Variants in SNX24 observed in about 807,000 individuals in gnomAD.
The protein encoded by SNX24 is sorting nexin 24.
In SNX24, 22 loss-of-function variants were observed where a neutral mutation model predicts 28.7. The ratio of observed to expected loss-of-function variants is 0.77; its 90% confidence interval spans 0.55 to 1.10. The LOEUF is 1.10. SNX24 is among the 50% of genes least tolerant of loss of function. SNX24 has a pLI of 0.00. For missense variants in SNX24, 221 were observed against 201.1 expected (o/e 1.10, Z -0.60); for synonymous variants, 69 against 71.5 (o/e 0.96, Z 0.18).
chr5:122,982,499 G>C (rs1188916351), intron 3 of SNX24, among the ~76,000 whole-genome samples: 2 of 152,188 alleles, frequency 1.3e-5, no homozygotes, highest in Non-Finnish European at 2.9e-5. Context: ...AAATTTTGTA[G>C]TTATCAGAAT....
chr5:123,002,029 C>T, intron 6 of SNX24, 25 bp downstream of exon 6: 1 of 1,578,968 alleles, frequency 6.3e-7, no homozygotes, highest in Non-Finnish European at 8.7e-7. Flanking sequence ...CATCTGCTAA[C>T]AGCTCTTTAC....
At chr5:122,932,052 G>A (rs1317443195) in intron 1 of SNX24, among the ~76,000 whole-genome samples, 1 of 151,952 alleles carries the variant, frequency 6.6e-6, no homozygotes, top group African/African-American at 2.4e-5. Context: ...TACCACAAAA[G>A]AAAAAAAGTT....
At chr5:122,968,199 G>A (rs1760797418) in intron 3 of SNX24, among the ~76,000 whole-genome samples, 1 of 152,096 alleles carries the variant, frequency 6.6e-6, no homozygotes, top group Non-Finnish European at 1.5e-5. Context: ...ACAAAAGTTA[G>A]CCGGGCGTGG....
At chr5:122,939,623 T>C (rs1759349863) in intron 2 of SNX24, among the ~76,000 whole-genome samples, 1 of 152,248 alleles carries the variant, frequency 6.6e-6, no homozygotes, top group African/African-American at 2.4e-5. Flanking sequence ...TCTTGAGCTA[T>C]GATGAGTATT....
At chr5:123,022,633 A>G (rs976132625) in intron 5 of SNX24, 11 of 152,454 alleles carry the variant, frequency 7.2e-5, no homozygotes, top group African/African-American at 2.4e-4. Flanking sequence ...TGGTGGTACC[A>G]TGCTCCCCAG....
At chr5:122,899,168 T>C (rs1490407785) in intron 1 of SNX24, among the ~76,000 whole-genome samples, 1 of 152,190 alleles carries the variant, frequency 6.6e-6, no homozygotes, top group Non-Finnish European at 1.5e-5. Context: ...TTCACTCCTA[T>C]AGTCTTCAAC....
At chr5:123,014,335 T>C in intron 5 of SNX24, among the ~76,000 whole-genome samples, 1 of 37,728 alleles carries the variant, frequency 2.7e-5, no homozygotes. Context: ...CCCAGCTGAT[T>C]TTTTTTTTTT....
Position 122,858,134 on chromosome 5 carries a change from C to T in SNX24, c.60+12441C>T, listed in dbSNP as rs1275124685. ...TGTCTTTGCTATTGTGGATAGCCAGCACCATTTATTGAGTTTGCCATCTTT... is the reference window on the plus strand; with the variant it reads ...TGTCTTTGCTATTGTGGATAGCCAGTACCATTTATTGAGTTTGCCATCTTT... On this transcript the variant is annotated intron_variant, in intron 1 of 6. Coordinates refer to ENST00000261369, the MANE Select transcript of SNX24 (RefSeq NM_014035.4). Among the ~76,000 whole-genome samples, 4 of 152,278 alleles carry T rather than the reference C, an allele frequency of 2.6e-5. No individual in the cohort carries two copies. The South Asian group carries it at 8.3e-4, about 32-fold the overall frequency.
At chr5:122,860,497 T>C (rs935232406) in intron 1 of SNX24, among the ~76,000 whole-genome samples, 1 of 152,222 alleles carries the variant, frequency 6.6e-6, no homozygotes, top group African/African-American at 2.4e-5. Flanking sequence ...TATCTTTTAT[T>C]CCATTTGTAG....
At chr5:122,934,800 A>G (rs1311903549) in intron 1 of SNX24, among the ~76,000 whole-genome samples, 3 of 152,344 alleles carry the variant, frequency 2.0e-5, no homozygotes, top group East Asian at 1.9e-4. Flanking sequence ...CAACTGTAAC[A>G]TTATAAAATA....
chr5:122,906,375 G>A (rs1012513922), intron 1 of SNX24, among the ~76,000 whole-genome samples: 1 of 152,120 alleles, frequency 6.6e-6, no homozygotes, highest in African/African-American at 2.4e-5. Context: ...CAGCATAGTG[G>A]GTCTGATTTG....
At chr5:122,960,090 T>C (rs563611537) in intron 3 of SNX24, among the ~76,000 whole-genome samples, 1 of 152,336 alleles carries the variant, frequency 6.6e-6, no homozygotes, top group South Asian at 2.1e-4. Flanking sequence ...AAAGAAAAGA[T>C]TCTGCAGTAA....
rs769754642 is a variant in SNX24 at position 123,002,046 on chromosome 5, G to C, written c.442+42G>C. On this transcript the variant is annotated intron_variant, in intron 6 of 6. Transcript: ENST00000261369. Reference sequence around the variant, plus strand: ...TCTGCTAACAGCTCTTTACTGATCTGACCCTGCACCACATAAACCACGTTT... The same window carrying C: ...TCTGCTAACAGCTCTTTACTGATCTCACCCTGCACCACATAAACCACGTTT... 3.3e-6 allele frequency: 5 copies of C among 1,504,124 alleles called. No individual in the cohort carries two copies. The Admixed American group carries it at 8.3e-5, about 25-fold the overall frequency. The allele number at this position is 1,504,124 out of a possible 1,614,324, so 93.2% of individuals were successfully genotyped here.
At chr5:122,903,183 T>C (rs944597005) in intron 1 of SNX24, among the ~76,000 whole-genome samples, 2 of 152,236 alleles carry the variant, frequency 1.3e-5, no homozygotes, top group Middle Eastern at 6.8e-3. Flanking sequence ...CGTGGCTCAC[T>C]GCAGCCTTGA....
chr5:123,021,171 G>A (rs567231625), intron 5 of SNX24, among the ~76,000 whole-genome samples: 4 of 146,304 alleles, frequency 2.7e-5, no homozygotes, highest in Non-Finnish European at 6.0e-5. Context: ...CCCCTTCACT[G>A]TCTATTCGCT....
chr5:123,007,096 C>T (rs1291052002), intron 6 of SNX24, among the ~76,000 whole-genome samples: 1 of 152,138 alleles, frequency 6.6e-6, no homozygotes, highest in African/African-American at 2.4e-5. Context: ...CCCTGGCCTC[C>T]CTTCCTGTCT....
chr5:122,977,360 T>C (rs1012168290), intron 3 of SNX24, among the ~76,000 whole-genome samples: 2 of 143,512 alleles, frequency 1.4e-5, no homozygotes, highest in African/African-American at 5.1e-5. Flanking sequence ...ACATACACTT[T>C]CTCATAAGAA....
At chr5:122,937,824 C>T (rs1759242394) in intron 2 of SNX24, among the ~76,000 whole-genome samples, 3 of 152,302 alleles carry the variant, frequency 2.0e-5, no homozygotes, top group South Asian at 2.1e-4. Flanking sequence ...TACAAAAGCA[C>T]CAACCCCAGG....
intron 1 of SNX24, among the ~76,000 whole-genome samples, chr5:122,914,120 C>A (rs960861960): frequency 6.6e-6 from 1 of 151,916 alleles, no homozygotes; most frequent in Non-Finnish European, 1.5e-5. Context: ...AAGAGGGAGA[C>A]CGTGGGGAGA....
Sources: allele counts gnomAD v4.1 joint callset (sites outside exome capture counted in the v4.1 genomes callset), GRCh38; gene constraint gnomAD v4.1.1; transcripts MANE v1.5; gene names NCBI Gene and HGNC (gene_info 2026-07-23, HGNC 2026-07-21).